PPP1R9A: variants seen among roughly 807,000 people sequenced by gnomAD.
PPP1R9A encodes neurabin-1.
A neutral mutation model predicts 141.9 loss-of-function variants in PPP1R9A; 59 were observed. The observed-to-expected ratio is 0.42, with a 90% CI of 0.34 to 0.52. The LOEUF (loss-of-function observed/expected upper bound fraction) is 0.52, where lower values mean the gene tolerates loss of function less well. Ranked by LOEUF, PPP1R9A falls within the 20% of genes least tolerant of loss-of-function variation. The pLI is 0.10. For missense variants in PPP1R9A, 1,444 were observed against 1,611.9 expected, an observed-to-expected ratio of 0.90 and a Z score of 1.78; for synonymous variants, 500 against 569.7, an observed-to-expected ratio of 0.88 and a Z score of 1.74.
At chr7:95,255,302 G>T (rs781615189) in intron 12 of PPP1R9A, among the ~76,000 whole-genome samples, 2 of 152,096 alleles carry the variant, frequency 1.3e-5, no homozygotes, top group African/African-American at 2.4e-5. Context: ...TGAGCTTCTA[G>T]ATATTCCAGG....
At chr7:95,231,172 G>A (rs1398868321) in intron 8 of PPP1R9A, among the ~76,000 whole-genome samples, 1 of 152,120 alleles carries the variant, frequency 6.6e-6, no homozygotes, top group African/African-American at 2.4e-5. Flanking sequence ...ATTATATAAT[G>A]ATAAAAGGAC....
chr7:95,287,202 G>T, intron 18 of PPP1R9A: 1 of 1,539,766 alleles, frequency 6.5e-7, no homozygotes, highest in Non-Finnish European at 9.0e-7. Context: ...TCGCTCTTTG[G>T]AGATGACTGA....
At chr7:95,202,099 A>G (rs1037643649) in intron 6 of PPP1R9A, among the ~76,000 whole-genome samples, 2 of 152,200 alleles carry the variant, frequency 1.3e-5, no homozygotes, top group Non-Finnish European at 2.9e-5. Context: ...GTGGAGCTCT[A>G]AAAACTATAT....
intron 2 of PPP1R9A, among the ~76,000 whole-genome samples, chr7:95,090,115 G>C (rs1817144858): frequency 6.6e-6 from 1 of 151,800 alleles, no homozygotes; most frequent in Non-Finnish European, 1.5e-5. Context: ...TGTTATTAAG[G>C]ATCAAGTCTT....
chr7:94,931,945 G>A (rs1433155037), intron 2 of PPP1R9A, among the ~76,000 whole-genome samples: 2 of 152,318 alleles, frequency 1.3e-5, no homozygotes, highest in African/African-American at 4.8e-5. Flanking sequence ...ATGCAGGGGA[G>A]TGGCTGTTTC....
At chr7:94,915,919 G>A (rs1562986989) in intron 2 of PPP1R9A, among the ~76,000 whole-genome samples, 2 of 152,178 alleles carry the variant, frequency 1.3e-5, no homozygotes, top group African/African-American at 4.8e-5. Flanking sequence ...ACCATCCTTG[G>A]TGTCTTCAGT....
At chr7:95,226,148 T>C in intron 8 of PPP1R9A, 32 bp downstream of exon 8, 3 of 1,580,412 alleles carry the variant, frequency 1.9e-6, no homozygotes, top group Non-Finnish European at 2.6e-6. Context: ...TATTTCTTTA[T>C]GCCTGTCCAT....
chr7:95,160,205 T>G (rs570041821), intron 4 of PPP1R9A, among the ~76,000 whole-genome samples: 1 of 152,116 alleles, frequency 6.6e-6, no homozygotes, highest in East Asian at 1.9e-4. Flanking sequence ...TATGTAAGTA[T>G]ACAGATGCAC....
intron 5 of PPP1R9A, among the ~76,000 whole-genome samples, chr7:95,173,540 A>G (rs1832464006): frequency 6.6e-6 from 1 of 152,074 alleles, no homozygotes; most frequent in Admixed American, 6.6e-5. Context: ...AACATTTGTT[A>G]CAAAATACCC....
At chr7:95,195,418 C>T (rs1282494923) in intron 5 of PPP1R9A, among the ~76,000 whole-genome samples, 1 of 149,752 alleles carries the variant, frequency 6.7e-6, no homozygotes, top group African/African-American at 2.5e-5. Flanking sequence ...GTAGCTAAAA[C>T]TACAGGTGCA....
At chr7:94,965,023 A>G (rs568896085) in intron 2 of PPP1R9A, among the ~76,000 whole-genome samples, 3 of 152,262 alleles carry the variant, frequency 2.0e-5, no homozygotes, top group South Asian at 4.1e-4. Context: ...CATTCTAACT[A>G]GCATGAGATG....
At chr7:95,183,919 A>C (rs1008686079) in intron 5 of PPP1R9A, among the ~76,000 whole-genome samples, 14 of 151,932 alleles carry the variant, frequency 9.2e-5, no homozygotes, top group Admixed American at 2.0e-4. Context: ...CCCAGGCTGG[A>C]GTGCAGTGGC....
chr7:94,915,635 T>C (rs933460621), intron 2 of PPP1R9A, among the ~76,000 whole-genome samples: 5 of 152,170 alleles, frequency 3.3e-5, no homozygotes, highest in Admixed American at 2.6e-4. Context: ...AGGAAAGCTA[T>C]GGAGTAAGTT....
At chr7:95,261,185 C>A (rs1800379243) in intron 12 of PPP1R9A, among the ~76,000 whole-genome samples, 1 of 152,118 alleles carries the variant, frequency 6.6e-6, no homozygotes, top group African/African-American at 2.4e-5. Context: ...CGTAAGATAT[C>A]TAATAGCCAA....
At chr7:95,095,345 G>A (rs971549294) in intron 2 of PPP1R9A, among the ~76,000 whole-genome samples, 2 of 152,166 alleles carry the variant, frequency 1.3e-5, no homozygotes, top group African/African-American at 4.8e-5. Flanking sequence ...GATACATGAG[G>A]TCAAAGTTAG....
chr7:95,088,873 G>A (rs1816968356), intron 2 of PPP1R9A, among the ~76,000 whole-genome samples: 1 of 151,980 alleles, frequency 6.6e-6, no homozygotes, highest in African/African-American at 2.4e-5. Context: ...CATTAATGCA[G>A]TGATAATTTG....
At position 95,111,385 on chromosome 7, in the gene PPP1R9A, G is replaced by A; in HGVS notation, c.1522G>A (p.Glu508Lys). Reference sequence around the variant, plus strand: ...GCTGGAACTTTTCCCAGTGGAGCTAGAGAAAGGTTCGTGAGTGCTACAGTG... The same window carrying A: ...GCTGGAACTTTTCCCAGTGGAGCTAAAGAAAGGTTCGTGAGTGCTACAGTG... ...EKLELFPVEL[E>K]KDEDGLGISI... The change falls in exon 3 of 20, where the codon GAG becomes AAG. Residue 508 changes from glutamate to lysine, a missense_variant. Glu to Lys is a moderately conservative substitution (Grantham distance 56, BLOSUM62 1). Transcript: ENST00000433360. The A allele has an allele frequency of 1.2e-6, 2 of 1,613,550 alleles. No homozygotes were observed. The highest frequency in any genetic ancestry group is 1.7e-4 in the Middle Eastern group (1 of 6,060).
intron 2 of PPP1R9A, among the ~76,000 whole-genome samples, chr7:94,981,978 C>T (rs568517229): frequency 1.3e-5 from 2 of 151,010 alleles, no homozygotes; most frequent in East Asian, 3.9e-4. Context: ...TCCCCCAACC[C>T]CCCACCCCAC....
intron 5 of PPP1R9A, among the ~76,000 whole-genome samples, chr7:95,191,704 T>C (rs559163315): frequency 3.9e-4 from 60 of 152,256 alleles, no homozygotes; most frequent in African/African-American, 1.4e-3. Context: ...AAATACTTAA[T>C]TTTTAATTTA....
Sources: gnomAD v4.1 joint callset for allele counts (sites outside exome capture counted in the v4.1 genomes callset) on GRCh38, gnomAD v4.1.1 for gene constraint, MANE v1.5 for transcripts, NCBI Gene and HGNC (gene_info 2026-07-23, HGNC 2026-07-21) for gene names.